SETD2: variants seen among roughly 807,000 people sequenced by gnomAD.
SETD2 encodes SET domain containing 2, histone lysine methyltransferase, also known as histone-lysine N-methyltransferase SETD2.
A neutral mutation model predicts 242.1 loss-of-function variants in SETD2; 31 were observed. That is an observed-to-expected ratio of 0.13 (90% confidence interval 0.10 to 0.17). The LOEUF (loss-of-function observed/expected upper bound fraction) is 0.17, where lower values mean the gene tolerates loss of function less well. Among genes scored for constraint, SETD2 ranks in the 10% least tolerant of loss-of-function variants. The probability of loss-of-function intolerance (pLI) is 1.00; values close to 1 mark genes in which losing one functional copy is unlikely to be tolerated. For missense variants in SETD2, 2,481 were observed against 3,046.3 expected (o/e 0.81, Z 4.37); for synonymous variants, 1,006 against 1,066.5 (o/e 0.94, Z 1.11).
upstream of SETD2, among the ~76,000 whole-genome samples, chr3:47,164,260 G>A (rs1276483428): frequency 1.3e-5 from 2 of 152,164 alleles, no homozygotes; most frequent in African/African-American, 4.8e-5. The surrounding 1 kb of genome is among the most constrained non-coding windows in gnomAD (Gnocchi z 5.4). Context: ...AGGCCGGGAC[G>A]GGCAGAGCGG....
At chr3:47,050,116 T>C (rs962949709) in intron 15 of SETD2, among the ~76,000 whole-genome samples, 21 of 151,366 alleles carry the variant, frequency 1.4e-4, no homozygotes, top group African/African-American at 4.3e-4. Flanking sequence ...TCTTATTGTA[T>C]ATTTCAAAAT....
intron 16 of SETD2, among the ~76,000 whole-genome samples, chr3:47,044,073 T>A (rs2039405293): frequency 6.6e-6 from 1 of 152,050 alleles, no homozygotes; most frequent in African/African-American, 2.4e-5. Flanking sequence ...CCAAGCACAG[T>A]GGCTCATGCC....
At chr3:47,095,570 C>T (rs934632156) in intron 9 of SETD2, among the ~76,000 whole-genome samples, 3 of 151,858 alleles carry the variant, frequency 2.0e-5, no homozygotes, top group East Asian at 1.9e-4. Context: ...GAAAAATGTC[C>T]GGTAGTCAAG....
At chr3:47,088,982 T>C (rs2041683328) in intron 9 of SETD2, among the ~76,000 whole-genome samples, 1 of 152,142 alleles carries the variant, frequency 6.6e-6, no homozygotes, top group Admixed American at 6.5e-5. Flanking sequence ...TGAAATATAA[T>C]ACTACAGTGA....
At chr3:47,089,306 G>A (rs1181978369) in intron 9 of SETD2, among the ~76,000 whole-genome samples, 2 of 152,116 alleles carry the variant, frequency 1.3e-5, no homozygotes, top group Admixed American at 1.3e-4. Context: ...AATTAGCCAG[G>A]TGTGGTAGCA....
Position 47,057,391 on chromosome 3 carries a change from T to C in SETD2, c.6393A>G (p.Gln2131=). The C allele has an allele frequency of 3.7e-6, 6 of 1,614,238 alleles. No homozygotes were observed. The highest frequency in any genetic ancestry group is 1.7e-5 in the Admixed American group (1 of 60,028). Residue 2131 remains glutamine (Q), a synonymous_variant, in exon 15 of 21, where the codon CAA becomes CAG. Transcript: ENST00000409792. ...GTTGCTGTTGTTTCTGAGCCTCCCG[T>C]TGAGCCACCTCTTGCTCAAACAACT... is the stretch of plus-strand genomic sequence containing the variant. ...RRKLFEQEVA[Q]REAQKQQQQM...
At chr3:47,127,785 T>C (rs2043376430) in intron 1 of SETD2, among the ~76,000 whole-genome samples, 1 of 151,994 alleles carries the variant, frequency 6.6e-6, no homozygotes, top group Admixed American at 6.6e-5. Context: ...ACCCGGGAGG[T>C]GGAGGTTGCA....
chr3:47,127,150 G>T (rs1187378327), intron 1 of SETD2, among the ~76,000 whole-genome samples: 1 of 151,136 alleles, frequency 6.6e-6, no homozygotes, highest in Non-Finnish European at 1.5e-5. Context: ...TGAGCCCAGG[G>T]GATTGAGACT....
At chr3:47,020,014 T>C (rs1186512952) in intron 18 of SETD2, among the ~76,000 whole-genome samples, 174 bp from the exon 19 acceptor site, 1 of 152,138 alleles carries the variant, frequency 6.6e-6, no homozygotes, top group Non-Finnish European at 1.5e-5. Flanking sequence ...TTGGCTATTA[T>C]GTTTCAAATC....
intron 12 of SETD2, among the ~76,000 whole-genome samples, chr3:47,068,161 A>G (rs936547768): frequency 2.0e-5 from 3 of 152,200 alleles, no homozygotes; most frequent in Non-Finnish European, 4.4e-5. Context: ...CACACTCTCA[A>G]TAGTACATAA....
intron 5 of SETD2, 40 bp from the exon 6 acceptor site, chr3:47,106,160 G>C (rs750882645): frequency 6.9e-6 from 11 of 1,583,138 alleles, no homozygotes; most frequent in Non-Finnish European, 9.5e-6. Flanking sequence ...TCCTACCTAG[G>C]AGCAGTAGGG....
intron 18 of SETD2, among the ~76,000 whole-genome samples, chr3:47,020,209 C>G (rs1459260534): frequency 2.0e-5 from 3 of 152,086 alleles, no homozygotes; most frequent in Non-Finnish European, 4.4e-5. Context: ...CTCTGACACT[C>G]TAGGATTCCA....
intron 9 of SETD2, among the ~76,000 whole-genome samples, chr3:47,093,456 G>A (rs1298062279): frequency 6.6e-6 from 1 of 151,792 alleles, no homozygotes; most frequent in Admixed American, 6.6e-5. Context: ...GCTAATTTTT[G>A]TATTTTTAGT....
chr3:47,060,152 G>A (rs536265966), intron 14 of SETD2, among the ~76,000 whole-genome samples: 26 of 152,272 alleles, frequency 1.7e-4, no homozygotes, highest in Non-Finnish European at 3.7e-4. Context: ...CTACTGGATG[G>A]GTGCTGAAGT....
At chr3:47,130,443 C>T (rs191032490) in intron 1 of SETD2, among the ~76,000 whole-genome samples, 18 of 152,114 alleles carry the variant, frequency 1.2e-4, no homozygotes, top group Non-Finnish European at 1.6e-4. Context: ...GACCTAGGTA[C>T]GGCCAGGAAG....
At chr3:47,101,302 C>G (rs1195582554) in intron 8 of SETD2, among the ~76,000 whole-genome samples, 156 bp downstream of exon 8, 2 of 151,906 alleles carry the variant, frequency 1.3e-5, no homozygotes, top group Non-Finnish European at 2.9e-5. Context: ...AAGTGTCATA[C>G]AGTAGAAAAA....
intron 13 of SETD2, among the ~76,000 whole-genome samples, chr3:47,064,381 C>T (rs919560453): frequency 1.3e-5 from 2 of 152,198 alleles, no homozygotes; most frequent in African/African-American, 4.8e-5. Context: ...TGCTCCAGTT[C>T]ACAAGGTATT....
intron 10 of SETD2, among the ~76,000 whole-genome samples, chr3:47,087,702 C>T (rs1165960150): frequency 6.6e-6 from 1 of 152,228 alleles, no homozygotes; most frequent in Admixed American, 6.5e-5. Flanking sequence ...CATGGTGGCT[C>T]ACGCCTGTAA....
intron 17 of SETD2, among the ~76,000 whole-genome samples, chr3:47,041,791 A>G (rs1181477466): frequency 1.3e-5 from 2 of 152,164 alleles, no homozygotes; most frequent in Non-Finnish European, 2.9e-5. Context: ...CTTTTCTACT[A>G]TATTTGCTTT....
Sources: gnomAD v4.1 joint callset for allele counts (sites outside exome capture counted in the v4.1 genomes callset) on GRCh38, gnomAD v4.1.1 for gene constraint, Gnocchi (gnomAD v3.1) non-coding constraint, MANE v1.5 for transcripts, NCBI Gene and HGNC (gene_info 2026-07-23, HGNC 2026-07-21) for gene names.